Variants in CSMD1 observed in about 807,000 individuals in gnomAD.
CSMD1 encodes the protein CUB and Sushi multiple domains 1.
Under a neutral mutation model 417.5 loss-of-function variants are expected in CSMD1, and 213 were observed. The ratio of observed to expected loss-of-function variants is 0.51; its 90% CI spans 0.46 to 0.57. The LOEUF is 0.57. CSMD1 is among the 20% of genes least tolerant of loss of function. CSMD1 has a pLI of 0.00. For missense variants in CSMD1, 6,923 were observed against 4,529.7 expected (o/e 1.53, Z -15.17); for synonymous variants, 2,862 against 1,736.8 (o/e 1.65, Z -16.11).
At chr8:3,239,385 A>C (rs1261124302) in intron 26 of CSMD1, among the ~76,000 whole-genome samples, 2 of 152,182 alleles carry the variant, frequency 1.3e-5, no homozygotes, top group Non-Finnish European at 2.9e-5. Flanking sequence ...ATTATGTCTG[A>C]CAGAAGGGAA....
At chr8:3,853,186 C>T (rs1422872557) in intron 5 of CSMD1, among the ~76,000 whole-genome samples, 2 of 152,120 alleles carry the variant, frequency 1.3e-5, no homozygotes, top group Admixed American at 1.3e-4. Flanking sequence ...TGCTGCTTCC[C>T]TTCCTTCACG....
At chr8:3,755,051 G>C (rs553805306) in intron 5 of CSMD1, among the ~76,000 whole-genome samples, 1 of 152,210 alleles carries the variant, frequency 6.6e-6, no homozygotes, top group African/African-American at 2.4e-5. Flanking sequence ...CAGTTTAGTT[G>C]TCAGAAACAA....
In CSMD1 at chr8:4,465,817, C is replaced by A. The variant is rs540859067; in HGVS notation, c.303-45752G>T. ...TGGGTACTTTACTGCCAACCCACCCCACATTCCTGAAGTATCTCAAGCCAC... is the reference window on the plus strand; with the variant it reads ...TGGGTACTTTACTGCCAACCCACCCAACATTCCTGAAGTATCTCAAGCCAC... On this transcript the variant is annotated intron_variant, in intron 2 of 69. Coordinates refer to ENST00000635120, the MANE Select transcript of CSMD1 (RefSeq NM_033225.6). 2.6e-5 allele frequency among the ~76,000 whole-genome samples: 4 copies of A among 152,288 alleles called. No individual in the cohort carries two copies. In the South Asian group the frequency reaches 8.3e-4, roughly 32 times the overall value.
chr8:4,213,332 C>A (rs879890541), intron 3 of CSMD1, among the ~76,000 whole-genome samples: 10 of 152,110 alleles, frequency 6.6e-5, no homozygotes, highest in African/African-American at 2.4e-4. Context: ...ACATGCAATT[C>A]AGAGAGTTTC....
At chr8:4,287,183 C>A (rs1797107743) in intron 3 of CSMD1, among the ~76,000 whole-genome samples, 1 of 152,186 alleles carries the variant, frequency 6.6e-6, no homozygotes, top group African/African-American at 2.4e-5. Context: ...TAGAACTAAA[C>A]AGTTTAATTT....
chr8:3,677,520 G>A (rs754144168), intron 7 of CSMD1, among the ~76,000 whole-genome samples: 6 of 152,176 alleles, frequency 3.9e-5, no homozygotes, highest in Non-Finnish European at 7.3e-5. Flanking sequence ...ATGCCCAGGT[G>A]TCCCCAGGGT....
intron 3 of CSMD1, among the ~76,000 whole-genome samples, chr8:4,173,738 A>T (rs1797890359): frequency 6.6e-6 from 1 of 152,126 alleles, no homozygotes; most frequent in Non-Finnish European, 1.5e-5. Flanking sequence ...TTTTGTCATT[A>T]ATAAAAAACT....
intron 48 of CSMD1, among the ~76,000 whole-genome samples, chr8:3,089,374 A>C (rs1254485590): frequency 6.6e-6 from 1 of 152,240 alleles, no homozygotes. Flanking sequence ...GACATTGTTA[A>C]TTCAGCCTGC....
intron 8 of CSMD1, among the ~76,000 whole-genome samples, chr8:3,592,520 G>A (rs1294312253): frequency 2.6e-5 from 4 of 152,096 alleles, no homozygotes; most frequent in Non-Finnish European, 5.9e-5. Context: ...AAATGGAGAT[G>A]GATGGCATGG....
intron 3 of CSMD1, among the ~76,000 whole-genome samples, chr8:4,232,500 C>T (rs1168367984): frequency 1.3e-5 from 2 of 152,158 alleles, no homozygotes; most frequent in Admixed American, 6.5e-5. Context: ...CGCCCAGCCA[C>T]ACATGTCCTT....
chr8:3,442,087 C>T (rs1428165494), intron 12 of CSMD1, among the ~76,000 whole-genome samples: 1 of 149,944 alleles, frequency 6.7e-6, no homozygotes, highest in African/African-American at 2.5e-5. Flanking sequence ...AAAAAAAATA[C>T]AAAATTAAAA....
intron 5 of CSMD1, among the ~76,000 whole-genome samples, chr8:3,923,250 G>C (rs1025925728): frequency 2.6e-5 from 4 of 152,080 alleles, no homozygotes; most frequent in South Asian, 2.1e-4. Context: ...ATCTTCCAGA[G>C]TCTGGTGAGT....
At chr8:3,986,942 AG>A (rs1452338778) in intron 5 of CSMD1, among the ~76,000 whole-genome samples, 1 of 152,110 alleles carries the variant, frequency 6.6e-6, no homozygotes, top group Non-Finnish European at 1.5e-5. Flanking sequence ...TTTAGTATAC[AG>A]GGCGTTTCAC....
At chr8:4,223,094 C>A (rs763457401) in intron 3 of CSMD1, among the ~76,000 whole-genome samples, 1 of 152,254 alleles carries the variant, frequency 6.6e-6, no homozygotes, top group South Asian at 2.1e-4. Flanking sequence ...CCCTCCCGCC[C>A]TGCCCTGAGC....
At chr8:3,049,494 C>A (rs1811671555) in intron 50 of CSMD1, among the ~76,000 whole-genome samples, 1 of 152,054 alleles carries the variant, frequency 6.6e-6, no homozygotes, top group Non-Finnish European at 1.5e-5. Flanking sequence ...AGGCTAGGTG[C>A]CAGATGATTC....
chr8:4,262,303 G>A (rs1204205183), intron 3 of CSMD1, among the ~76,000 whole-genome samples: 1 of 152,058 alleles, frequency 6.6e-6, no homozygotes, highest in Admixed American at 6.6e-5. Context: ...GCTGCCAGGC[G>A]TCCACAGGCA....
intron 1 of CSMD1, among the ~76,000 whole-genome samples, chr8:4,931,318 C>A (rs1006899129): frequency 6.6e-6 from 1 of 152,090 alleles, no homozygotes; most frequent in Admixed American, 6.5e-5. Flanking sequence ...TCCTTCTGGT[C>A]GCTACGAGGA....
intron 3 of CSMD1, among the ~76,000 whole-genome samples, chr8:4,109,808 G>A (rs1015000849): frequency 6.6e-5 from 10 of 152,172 alleles, no homozygotes; most frequent in African/African-American, 2.4e-4. Flanking sequence ...AAACAAAAAG[G>A]GTGTTACCAT....
At chr8:3,205,768 C>T in intron 30 of CSMD1, 148 bp from the exon 31 acceptor site, 1 of 481,224 alleles carries the variant, frequency 2.1e-6, no homozygotes, top group Non-Finnish European at 3.7e-6. Context: ...GCATTGCTAT[C>T]AAAGTCATAG....
Sources: gnomAD v4.1 joint callset for allele counts (sites outside exome capture counted in the v4.1 genomes callset) on GRCh38, gnomAD v4.1.1 for gene constraint, MANE v1.5 for transcripts, NCBI Gene and HGNC (gene_info 2026-07-23, HGNC 2026-07-21) for gene names.